Variants in IL23R observed in about 807,000 individuals in gnomAD.
The protein encoded by IL23R is interleukin 23 receptor, also known as interleukin-23 receptor.
Under a neutral mutation model 56.9 loss-of-function variants are expected in IL23R, and 34 were observed. That is an observed-to-expected ratio of 0.60 (90% confidence interval 0.45 to 0.80). The LOEUF is 0.80. Ranked by LOEUF, IL23R falls within the 30% of genes least tolerant of loss-of-function variation. The pLI is 0.00. For synonymous variants in IL23R, 230 were observed against 249.2 expected, an observed-to-expected ratio of 0.92 and a Z score of 0.73; for missense variants, 635 against 730.0, an observed-to-expected ratio of 0.87 and a Z score of 1.50.
chr1:67,185,487 G>A (rs1647275503), intron 4 of IL23R, among the ~76,000 whole-genome samples: 1 of 152,090 alleles, frequency 6.6e-6, no homozygotes. Flanking sequence ...TGTCGCCCAG[G>A]CTGGAGTGCA....
intron 7 of IL23R, among the ~76,000 whole-genome samples, chr1:67,223,561 T>C (rs1650434859): frequency 6.6e-6 from 1 of 152,140 alleles, no homozygotes; most frequent in South Asian, 2.1e-4. Context: ...ATGTACCTTT[T>C]TTTCTGTGTG....
chr1:67,176,797 C>T (rs1647015929), intron 3 of IL23R, among the ~76,000 whole-genome samples: 1 of 152,126 alleles, frequency 6.6e-6, no homozygotes, highest in Non-Finnish European at 1.5e-5. Flanking sequence ...CCTCCCACCA[C>T]ACAACTGGCC....
chr1:67,189,297 G>C (rs1446633232), intron 4 of IL23R, among the ~76,000 whole-genome samples: 2 of 151,980 alleles, frequency 1.3e-5, no homozygotes, highest in Non-Finnish European at 2.9e-5. Flanking sequence ...TATTCTAGTT[G>C]ATAACTAGAA....
At chr1:67,214,038 G>A (rs574771147) in intron 6 of IL23R, among the ~76,000 whole-genome samples, 1 of 152,184 alleles carries the variant, frequency 6.6e-6, no homozygotes, top group Non-Finnish European at 1.5e-5. Flanking sequence ...GCTGGGAGGG[G>A]TGATACAAGC....
intron 1 of IL23R, among the ~76,000 whole-genome samples, chr1:67,166,915 A>G (rs1646879717): frequency 6.6e-6 from 1 of 152,212 alleles, no homozygotes; most frequent in Admixed American, 6.5e-5. Context: ...TTGTAGTTTT[A>G]TAGAAAAAGC....
chr1:67,242,544 G>T (rs1452874660), intron 9 of IL23R, among the ~76,000 whole-genome samples: 1 of 152,114 alleles, frequency 6.6e-6, no homozygotes, highest in African/African-American at 2.4e-5. Flanking sequence ...AAGCTGTCCT[G>T]GTTAGCTTTA....
At position 67,236,748 on chromosome 1, in the gene IL23R, A is replaced by C; in HGVS notation, c.991A>C (p.Thr331Pro). 1.9e-6 allele frequency: 3 copies of C among 1,613,670 alleles called. No homozygotes were observed. Among genetic ancestry groups the C allele is most frequent in the Non-Finnish European group, 2.5e-6 (3 of 1,179,546 alleles). Residue 331 changes from threonine to proline, a missense_variant, in exon 8 of 11, where the codon ACA (threonine) becomes CCA (proline). Thr to Pro is a conservative substitution (Grantham distance 38). Coordinates refer to ENST00000347310, the MANE Select transcript of IL23R (RefSeq NM_144701.3). ...QVTSKAFQHD[T>P]WNSGLTVASI... ...CACATCAAAAGCATTCCAACATGAC[A>C]CATGGAATTCTGGGCTAACAGTTGC...
chr1:67,198,321 C>T (rs138551631), intron 4 of IL23R, among the ~76,000 whole-genome samples: 6 of 152,324 alleles, frequency 3.9e-5, no homozygotes, highest in Admixed American at 1.3e-4. Flanking sequence ...CTCCAACCCT[C>T]GTCCACTAAA....
At chr1:67,148,361 G>A (rs1056476370) in intron 1 of IL23R, among the ~76,000 whole-genome samples, 2 of 152,236 alleles carry the variant, frequency 1.3e-5, no homozygotes, top group African/African-American at 4.8e-5. Flanking sequence ...GGACCCAAAG[G>A]GGGTTTCCCC....
At chr1:67,237,768 T>G (rs893119215) in intron 8 of IL23R, among the ~76,000 whole-genome samples, 2 of 152,196 alleles carry the variant, frequency 1.3e-5, no homozygotes, top group South Asian at 4.1e-4. Flanking sequence ...GGCATGACTA[T>G]TTCACCATTG....
chr1:67,219,946 T>C (rs1650133987), intron 7 of IL23R, among the ~76,000 whole-genome samples: 1 of 152,062 alleles, frequency 6.6e-6, no homozygotes, highest in Admixed American at 6.6e-5. Flanking sequence ...TAGAATGCAT[T>C]TGTAGTCGCA....
chr1:67,205,806 CAT>C (rs1302041742), intron 5 of IL23R, among the ~76,000 whole-genome samples: 15 of 152,106 alleles, frequency 9.9e-5, no homozygotes, highest in Admixed American at 6.5e-5. Flanking sequence ...TATAAATATT[CAT>C]ATGTTTCCCT....
rs767092630 is a variant in IL23R at position 67,169,437 on chromosome 1, A to T, written c.166A>T (p.Ile56Phe). Residue 56 changes from isoleucine (I) to phenylalanine (F), a missense_variant, in exon 3 of 11, where the codon ATT (isoleucine) becomes TTT (phenylalanine). By Grantham distance (21) the Ile-to-Phe change is conservative. Transcript: ENST00000347310. ...TATCTCTATATATTGCCAAGCAGCA[A>T]TTAAGAACTGCCAACCAAGGAAACT... is the stretch of plus-strand genomic sequence containing the variant. ...MNISIYCQAA[I>F]KNCQPRKLHF... 3.7e-6 allele frequency: 6 copies of T among 1,613,698 alleles called. No individual in the cohort carries two copies. Among genetic ancestry groups the T allele is most frequent in the Non-Finnish European group, 5.1e-6 (6 of 1,179,688 alleles).
At chr1:67,202,950 A>G (rs1036358936) in intron 5 of IL23R, among the ~76,000 whole-genome samples, 2 of 152,268 alleles carry the variant, frequency 1.3e-5, no homozygotes, top group Admixed American at 1.3e-4. Flanking sequence ...ATATCCTTGG[A>G]GTTACAGTTC....
chr1:67,153,835 G>A (rs1433616920), intron 1 of IL23R, among the ~76,000 whole-genome samples: 1 of 151,660 alleles, frequency 6.6e-6, no homozygotes, highest in South Asian at 2.1e-4. Context: ...GCGCAATTTC[G>A]GCTCACTGCA....
chr1:67,173,840 A>C (rs1404503800), intron 3 of IL23R, among the ~76,000 whole-genome samples: 2 of 152,184 alleles, frequency 1.3e-5, no homozygotes, highest in Non-Finnish European at 2.9e-5. Flanking sequence ...ATAATTTGGA[A>C]TATGTCTTTG....
chr1:67,169,660 A>T, intron 3 of IL23R, 22 bp downstream of exon 3: 4 of 1,605,636 alleles, frequency 2.5e-6, no homozygotes, highest in Non-Finnish European at 3.4e-6. Context: ...GGCACATTTG[A>T]AATGCAAACA....
At chr1:67,261,095 T>C (rs61781414), downstream of IL23R, among the ~76,000 whole-genome samples, 1 of 151,400 alleles carries the variant, frequency 6.6e-6, no homozygotes, top group African/African-American at 2.4e-5. Context: ...TTTTTTTTTT[T>C]GATAAAAATC....
At chr1:67,197,277 G>A (rs376093515) in intron 4 of IL23R, among the ~76,000 whole-genome samples, 11 of 152,280 alleles carry the variant, frequency 7.2e-5, no homozygotes, top group African/African-American at 2.6e-4. Flanking sequence ...GGATTCAGAG[G>A]ACTTCACCTT....
Sources: allele counts gnomAD v4.1 joint callset (sites outside exome capture counted in the v4.1 genomes callset), GRCh38; gene constraint gnomAD v4.1.1; transcripts MANE v1.5; gene names NCBI Gene and HGNC (gene_info 2026-07-23, HGNC 2026-07-21).